ACYP2: variants seen among roughly 807,000 people sequenced by gnomAD.
The protein encoded by ACYP2 is acylphosphatase 2.
Under a neutral mutation model 11.2 loss-of-function variants are expected in ACYP2, and 12 were observed. The observed-to-expected ratio is 1.08, with a 90% CI of 0.69 to 1.74. The LOEUF is 1.74. Among genes scored for constraint, ACYP2 ranks in the 40% most tolerant of loss-of-function variants. The pLI, the probability that ACYP2 is intolerant of heterozygous loss-of-function variation, is 0.00. For missense variants in ACYP2, 134 were observed against 101.9 expected (o/e 1.31, Z -1.35); for synonymous variants, 43 against 32.2 (o/e 1.33, Z -1.13).
chr2:54,250,361 T>C (rs900930491), intron 6 of ACYP2, among the ~76,000 whole-genome samples: 1 of 151,212 alleles, frequency 6.6e-6, no homozygotes, highest in Non-Finnish European at 1.5e-5. Context: ...TAATCCCAGC[T>C]ACTCAGGAGG....
At chr2:54,088,795 T>C (rs4671816) in intron 4 of ACYP2, among the ~76,000 whole-genome samples, 151,051 of 152,342 alleles carry the variant, frequency 0.99, 74,888 homozygotes, top group East Asian at 1. Flanking sequence ...CATTTCAGAT[T>C]GGGGAAAGGT....
chr2:54,206,127 G>A (rs1685061585), intron 6 of ACYP2, among the ~76,000 whole-genome samples: 1 of 152,116 alleles, frequency 6.6e-6, no homozygotes, highest in South Asian at 2.1e-4. Flanking sequence ...TTTTGATGGG[G>A]CATGCACACT....
chr2:54,259,814 G>A (rs1016186274), intron 6 of ACYP2, among the ~76,000 whole-genome samples: 2 of 152,210 alleles, frequency 1.3e-5, no homozygotes, highest in East Asian at 1.9e-4. Flanking sequence ...TAATAGCTTG[G>A]CTGGAATAAG....
chr2:54,255,054 A>G, intron 6 of ACYP2: 3 of 1,614,124 alleles, frequency 1.9e-6, no homozygotes, highest in Non-Finnish European at 2.5e-6. Context: ...TAATAATCTG[A>G]GCAATCCTGT....
chr2:53,978,449 C>A (rs1181631973), intron 2 of ACYP2, among the ~76,000 whole-genome samples: 1 of 152,054 alleles, frequency 6.6e-6, no homozygotes, highest in East Asian at 1.9e-4. Flanking sequence ...CAAGTAAGGA[C>A]CACATAGACA....
At chr2:54,127,118 G>C (rs1572816879) in intron 4 of ACYP2, among the ~76,000 whole-genome samples, 1 of 121,724 alleles carries the variant, frequency 8.2e-6, no homozygotes, top group African/African-American at 3.3e-5. Flanking sequence ...TTTTTTTTTG[G>C]ACATGGCTCT....
chr2:54,046,232 T>G (rs926862576), intron 2 of ACYP2, among the ~76,000 whole-genome samples: 3 of 150,632 alleles, frequency 2.0e-5, no homozygotes, highest in Admixed American at 2.0e-4. Context: ...TCCCAGCAAT[T>G]TGGGGGGAGG....
intron 6 of ACYP2, among the ~76,000 whole-genome samples, chr2:54,218,060 C>T (rs1224583234): frequency 3.3e-5 from 5 of 152,192 alleles, no homozygotes; most frequent in Admixed American, 2.6e-4. Flanking sequence ...CCTCATTCTA[C>T]CCCCATTCCC....
intron 2 of ACYP2, among the ~76,000 whole-genome samples, chr2:54,015,073 A>G (rs1673604281): frequency 6.6e-6 from 1 of 152,192 alleles, no homozygotes; most frequent in Admixed American, 6.5e-5. Context: ...GTGAGTTAGA[A>G]AGTCAGAGTC....
At chr2:54,101,535 G>A (rs937929099) in intron 4 of ACYP2, among the ~76,000 whole-genome samples, 1 of 152,084 alleles carries the variant, frequency 6.6e-6, no homozygotes, top group Non-Finnish European at 1.5e-5. Flanking sequence ...TGGGTATGGT[G>A]GAGCGCGCCT....
intron 6 of ACYP2, among the ~76,000 whole-genome samples, chr2:54,195,160 T>C (rs1684407609): frequency 6.6e-6 from 1 of 152,208 alleles, no homozygotes; most frequent in African/African-American, 2.4e-5. Flanking sequence ...TCTGTTGGCC[T>C]CATTAGCTCC....
intron 4 of ACYP2, chr2:54,123,426 T>C: frequency 2.5e-6 from 1 of 398,608 alleles, no homozygotes; most frequent in Non-Finnish European, 4.4e-6. Flanking sequence ...AAGGACTACA[T>C]CATAGTCCTG....
chr2:54,140,313 G>C (rs138060578), intron 6 of ACYP2, among the ~76,000 whole-genome samples: 97 of 152,256 alleles, frequency 6.4e-4, no homozygotes, highest in African/African-American at 2.1e-3. Context: ...AAAACGGGGA[G>C]TATGTGGAAG....
intron 4 of ACYP2, among the ~76,000 whole-genome samples, chr2:54,095,402 C>T (rs1678474474): frequency 6.6e-6 from 1 of 152,264 alleles, no homozygotes; most frequent in Non-Finnish European, 1.5e-5. Context: ...CTGTTGGACA[C>T]ACCTCCCAGA....
chr2:54,173,205 C>G (rs540664189), intron 6 of ACYP2, among the ~76,000 whole-genome samples: 7 of 152,308 alleles, frequency 4.6e-5, no homozygotes, highest in African/African-American at 1.7e-4. Context: ...TCTCCAGCAT[C>G]TGTTGTTTCC....
At chr2:54,006,407 A>G (rs1259970533) in intron 2 of ACYP2, among the ~76,000 whole-genome samples, 1 of 152,034 alleles carries the variant, frequency 6.6e-6, no homozygotes, top group Admixed American at 6.6e-5. Context: ...TCGGCCTCCC[A>G]AAGTGCTGGG....
chr2:53,985,482 G>A (rs1671988720), intron 2 of ACYP2, among the ~76,000 whole-genome samples: 1 of 152,118 alleles, frequency 6.6e-6, no homozygotes, highest in South Asian at 2.1e-4. Flanking sequence ...CAACAGAAAT[G>A]TGTGTACGTA....
intron 3 of ACYP2, among the ~76,000 whole-genome samples, chr2:54,056,401 G>C (rs1264806110): frequency 1.3e-5 from 2 of 152,178 alleles, no homozygotes; most frequent in Non-Finnish European, 2.9e-5. Flanking sequence ...ATTTAGGTTT[G>C]ATCATATCCA....
At chr2:54,193,854 T>TCC (rs1684340504) in intron 6 of ACYP2, among the ~76,000 whole-genome samples, 1 of 152,158 alleles carries the variant, frequency 6.6e-6, no homozygotes, top group Non-Finnish European at 1.5e-5. Context: ...ATTGGCATAA[T>TCC]GAGTTGGGAA....
Sources: allele counts gnomAD v4.1 joint callset (sites outside exome capture counted in the v4.1 genomes callset), GRCh38; gene constraint gnomAD v4.1.1; transcripts MANE v1.5; gene names NCBI Gene and HGNC (gene_info 2026-07-23, HGNC 2026-07-21).